The following RNF212B variants were observed in gnomAD, a reference collection of about 807,000 sequenced individuals.
The protein encoded by RNF212B is ring finger protein 212B.
In RNF212B, 52 loss-of-function variants were observed where a neutral mutation model predicts 55.5. The ratio of observed to expected loss-of-function variants is 0.94; its 90% CI spans 0.75 to 1.18. The LOEUF (loss-of-function observed/expected upper bound fraction) is 1.18. Among genes scored for constraint, RNF212B ranks in the 50% most tolerant of loss-of-function variants. The pLI is 0.00. For missense variants in RNF212B, 289 were observed against 350.4 expected (o/e 0.82, Z 1.40); for synonymous variants, 99 against 121.4 (o/e 0.82, Z 1.21).
At chr14:23,190,914 G>C (rs939753260) in intron 1 of RNF212B, among the ~76,000 whole-genome samples, 8 of 152,092 alleles carry the variant, frequency 5.3e-5, no homozygotes, top group African/African-American at 1.9e-4. Context: ...ACTAAGCTCT[G>C]CCTCAGGGCC....
exon 1 of RNF212B, chr14:23,185,402 A>G (rs1217882640): frequency 6.6e-6 from 1 of 152,250 alleles, no homozygotes; most frequent in Non-Finnish European, 1.5e-5. Flanking sequence ...AAAATTTGAT[A>G]GATTCATTTG....
intron 2 of RNF212B, among the ~76,000 whole-genome samples, chr14:23,232,405 G>A (rs566419240): frequency 4.6e-5 from 7 of 150,554 alleles, no homozygotes; most frequent in East Asian, 2.0e-4. Context: ...CCCTCCGCCC[G>A]GCAGCCGCCC....
rs1409511782 is a variant in RNF212B at position 23,264,244 on chromosome 14, G to A, written c.585+10G>A. ...TGGTAGCTTGGGACAAGTAAGTAAT[G>A]TTCACCTTATCTTTCCAGATTGAAG... is the stretch of plus-strand genomic sequence containing the variant. On this transcript the variant is annotated intron_variant, in intron 10 of 14. Transcript: ENST00000430154. 1 of 1,541,868 alleles carries A rather than the reference G, an allele frequency of 6.5e-7. No individual in the cohort carries two copies. The highest frequency in any genetic ancestry group is 8.8e-7 in the Non-Finnish European group (1 of 1,139,350).
intron 4 of RNF212B, among the ~76,000 whole-genome samples, chr14:23,246,688 A>G (rs984549471): frequency 6.6e-6 from 1 of 152,148 alleles, no homozygotes; most frequent in Non-Finnish European, 1.5e-5. Context: ...TTGCCCTACC[A>G]AAGTGCCAGG....
In RNF212B at chr14:23,273,071, G is replaced by T; in HGVS notation, c.*180G>T. 2.4e-6 allele frequency: 1 copy of T among 413,280 alleles called. No homozygotes were observed. Among genetic ancestry groups the T allele is most frequent in the Non-Finnish European group, 4.3e-6 (1 of 232,976 alleles). The allele number at this position is 413,280 out of a possible 1,614,324, so 25.6% of individuals were successfully genotyped here. Reference sequence around the variant, plus strand: ...TTATCACCTCCCAGGACAGTGGTCAGGTCTTACAAAAGGCTAGTGCTTCAG... The same window carrying T: ...TTATCACCTCCCAGGACAGTGGTCATGTCTTACAAAAGGCTAGTGCTTCAG... On this transcript the variant is annotated 3_prime_UTR_variant, in exon 15 of 15. Transcript: ENST00000430154.
chr14:23,193,118 AG>A (rs1307193523), intron 1 of RNF212B, among the ~76,000 whole-genome samples: 6,513 of 132,338 alleles, frequency 0.049, 299 homozygotes, highest in South Asian at 0.17. Flanking sequence ...AAAAAAAAAA[AG>A]AATGTTACCA....
At chr14:23,231,975 C>T (rs1003911334) in intron 2 of RNF212B, among the ~76,000 whole-genome samples, 3 of 152,184 alleles carry the variant, frequency 2.0e-5, no homozygotes, top group Non-Finnish European at 4.4e-5. Flanking sequence ...AGTGCAGTGG[C>T]GTGATCTTGG....
intron 2 of RNF212B, among the ~76,000 whole-genome samples, chr14:23,217,117 GC>G (rs994487097): frequency 6.6e-6 from 1 of 151,964 alleles, no homozygotes; most frequent in Non-Finnish European, 1.5e-5. Context: ...CCAGAGTGGA[GC>G]CCCCTGCCCT....
At chr14:23,240,269 G>A in intron 1 of RNF212B, 76 bp from the exon 2 acceptor site, 1 of 980,158 alleles carries the variant, frequency 1.0e-6, no homozygotes. Flanking sequence ...AGCAAGCACG[G>A]TTACATAGAT....
intron 2 of RNF212B, among the ~76,000 whole-genome samples, chr14:23,196,325 C>T (rs572893540): frequency 2.0e-5 from 3 of 152,290 alleles, no homozygotes; most frequent in Non-Finnish European, 2.9e-5. Flanking sequence ...TGCCAAAATG[C>T]ATGGCCCAAC....
chr14:23,216,454 G>A (rs1881082926), intron 2 of RNF212B, among the ~76,000 whole-genome samples: 1 of 151,508 alleles, frequency 6.6e-6, no homozygotes, highest in Non-Finnish European at 1.5e-5. Flanking sequence ...ATATCAATAA[G>A]TACATTAAAT....
chr14:23,198,034 G>C (rs1238628965), intron 2 of RNF212B, among the ~76,000 whole-genome samples: 1 of 152,128 alleles, frequency 6.6e-6, no homozygotes, highest in African/African-American at 2.4e-5. Context: ...TCACAATGGT[G>C]GAATGTCATC....
Position 23,188,460 on chromosome 14 carries a change from G to GTTTTTTTTTTT in RNF212B, c.-79+2977_-79+2987dup, listed in dbSNP as rs60659225. ...TTCATTATGTTTGACAAAGATTAGG[G>GTTTTTTTTTTT]TTTTTTTTTTTTTTTTTAGAGATAG... On this transcript the variant is annotated intron_variant, in intron 1 of 15. Coordinates refer to the RNF212B transcript ENST00000399910. 2 of 136,502 alleles carry GTTTTTTTTTTT rather than the reference G, an allele frequency of 1.5e-5. 1 individual carries two copies. Among genetic ancestry groups the GTTTTTTTTTTT allele is most frequent in the Non-Finnish European group, 3.1e-5 (2 of 64,028 alleles). 8.5% of individuals were successfully genotyped at this position (136,502 alleles called of 1,614,324 possible).
intron 2 of RNF212B, among the ~76,000 whole-genome samples, chr14:23,208,960 G>T (rs12879411): frequency 4.7e-5 from 7 of 150,504 alleles, no homozygotes; most frequent in South Asian, 4.2e-4. Flanking sequence ...GGGTTTCATC[G>T]TGTTAGCCGG....
chr14:23,239,091 T>G (rs1883363863), intron 1 of RNF212B, among the ~76,000 whole-genome samples: 1 of 151,984 alleles, frequency 6.6e-6, no homozygotes, highest in Non-Finnish European at 1.5e-5. Context: ...TCAGATGGAG[T>G]CTCACTCTGT....
intron 2 of RNF212B, among the ~76,000 whole-genome samples, chr14:23,241,860 G>T (rs1022070549): frequency 6.6e-6 from 1 of 151,642 alleles, no homozygotes; most frequent in African/African-American, 2.4e-5. Context: ...GAGGCGGGTG[G>T]ATCACAAGGT....
chr14:23,225,273 G>A (rs1881907813), intron 2 of RNF212B, among the ~76,000 whole-genome samples: 1 of 152,084 alleles, frequency 6.6e-6, no homozygotes, highest in South Asian at 2.1e-4. Flanking sequence ...TAAAAATAGA[G>A]CTACCACATG....
chr14:23,222,419 A>G (rs539461883), intron 2 of RNF212B, among the ~76,000 whole-genome samples: 5 of 152,278 alleles, frequency 3.3e-5, no homozygotes, highest in Non-Finnish European at 7.4e-5. Flanking sequence ...TATACAACCT[A>G]CCAAGATTGA....
rs1186974361 is a variant in RNF212B, at chr14:23,273,089, T to C, written c.*198T>C. 7 of 411,468 alleles carry C rather than the reference T, an allele frequency of 1.7e-5. No individual in the cohort carries two copies. Among genetic ancestry groups the C allele is most frequent in the Non-Finnish European group, 3.0e-5 (7 of 231,352 alleles). 25.5% of individuals were successfully genotyped at this position (411,468 alleles called of 1,614,324 possible). ...GTGGTCAGGTCTTACAAAAGGCTAG[T>C]GCTTCAGGAAGATGTTTATATCTCT... is the stretch of plus-strand genomic sequence containing the variant. On this transcript the variant is annotated 3_prime_UTR_variant, in exon 15 of 15. Transcript: ENST00000430154.
Sources: gnomAD v4.1 joint callset for allele counts (sites outside exome capture counted in the v4.1 genomes callset) on GRCh38, gnomAD v4.1.1 for gene constraint, MANE v1.5 for transcripts, NCBI Gene and HGNC (gene_info 2026-07-23, HGNC 2026-07-21) for gene names.